FAM114A1: variants seen among roughly 807,000 people sequenced by gnomAD.
FAM114A1 encodes protein NOXP20.
In FAM114A1, 62 loss-of-function variants were observed where a neutral mutation model predicts 64.3. That is an observed-to-expected ratio of 0.96 (90% CI 0.79 to 1.19). The LOEUF (loss-of-function observed/expected upper bound fraction) is 1.19. Ranked by LOEUF, FAM114A1 falls within the 50% of genes most tolerant of loss-of-function variation. FAM114A1 has a pLI of 0.00. For missense variants in FAM114A1, 645 were observed against 676.3 expected, an observed-to-expected ratio of 0.95 and a Z score of 0.51; for synonymous variants, 254 against 251.1, an observed-to-expected ratio of 1.01 and a Z score of -0.11.
chr4:38,894,255 C>A (rs1252509955), intron 4 of FAM114A1, among the ~76,000 whole-genome samples: 1 of 151,362 alleles, frequency 6.6e-6, no homozygotes, highest in Non-Finnish European at 1.5e-5. Context: ...TAATCTGCGG[C>A]CTGTGCTTGT....
At chr4:38,912,662 G>A (rs557030732) in intron 7 of FAM114A1, among the ~76,000 whole-genome samples, 13 of 152,252 alleles carry the variant, frequency 8.5e-5, no homozygotes, top group African/African-American at 2.4e-4. Context: ...GATTACAGGC[G>A]TGAGCCACCG....
At chr4:38,932,133 G>A (rs913477921) in intron 11 of FAM114A1, 102 bp from the exon 12 acceptor site, 6 of 1,269,714 alleles carry the variant, frequency 4.7e-6, no homozygotes, top group Non-Finnish European at 5.4e-6. Context: ...GGTTATATTT[G>A]GGGTATTTTT....
At position 38,939,976 on chromosome 4, in the gene FAM114A1, C is replaced by T. The variant is rs1461660774; in HGVS notation, c.1537-992C>T. On this transcript the variant is annotated intron_variant, in intron 13 of 14. Coordinates refer to ENST00000358869, the MANE Select transcript of FAM114A1 (RefSeq NM_138389.4). ...CCATCTCGGCTCACTGCAACCACTG[C>T]CTCCTAGGTTTAAGCAATTCTCCTG... Among the ~76,000 whole-genome samples the T allele has an allele frequency of 2.6e-5, 4 of 151,064 alleles. No individual in the cohort carries two copies. In the South Asian group the frequency reaches 6.3e-4, roughly 24 times the overall value.
At chr4:38,935,861 C>T in intron 13 of FAM114A1, 71 bp downstream of exon 13, 1 of 1,107,028 alleles carries the variant, frequency 9.0e-7, no homozygotes, top group South Asian at 1.3e-5. Context: ...TGTGGAGATG[C>T]AGCGCCTTCT....
chr4:38,883,079 G>A (rs1715456361), intron 3 of FAM114A1, among the ~76,000 whole-genome samples: 1 of 152,198 alleles, frequency 6.6e-6, no homozygotes, highest in East Asian at 1.9e-4. Context: ...ACCTCCGTGA[G>A]AAATGGTCCT....
chr4:38,868,918 TA>T, intron 2 of FAM114A1, among the ~76,000 whole-genome samples: 1 of 152,304 alleles, frequency 6.6e-6, no homozygotes, highest in East Asian at 1.9e-4. Context: ...TTGTAACCTT[TA>T]AGTGAAGGAA....
chr4:38,905,500 AC>A, intron 4 of FAM114A1, 21 bp from the exon 5 acceptor site: 1 of 1,560,804 alleles, frequency 6.4e-7, no homozygotes, highest in Non-Finnish European at 8.8e-7. Flanking sequence ...GTATCCATGA[AC>A]CATATTTTTA....
rs2306923 is a variant in FAM114A1 at position 38,929,272 on chromosome 4, G to A, written c.1100G>A (p.Arg367His). ...GAAGAAAAGGGAGAAGAATTTGCTC[G>A]CATGCTTACAGAGCTTCTCTTTGAA... ...GLEEKGEEFARMLTELLFELH... is the reference protein window; with the variant it reads ...GLEEKGEEFAHMLTELLFELH... The change falls in exon 10 of 15, where the codon CGC becomes CAC. Residue 367 changes from arginine (R) to histidine (H), a missense_variant. Physicochemically the swap from Arg to His is conservative, Grantham distance 29. Coordinates refer to ENST00000358869, the MANE Select transcript of FAM114A1 (RefSeq NM_138389.4). 6.7e-3 allele frequency: 10,749 copies of A among 1,613,828 alleles called. 1,033 individuals carry two copies. The Admixed American group carries it at 0.17, about 25-fold the overall frequency.
intron 3 of FAM114A1, among the ~76,000 whole-genome samples, chr4:38,878,799 T>C (rs1167025121): frequency 6.6e-6 from 1 of 152,180 alleles, no homozygotes. Context: ...CTGGGCTACT[T>C]GGTTGTAAAT....
chr4:38,904,383 A>G (rs1223779527), intron 4 of FAM114A1, among the ~76,000 whole-genome samples: 4 of 152,222 alleles, frequency 2.6e-5, no homozygotes. Flanking sequence ...AGACAAGACT[A>G]TGTCCGTATC....
At chr4:38,928,997 C>G (rs1720392598) in intron 9 of FAM114A1, 1 of 481,546 alleles carries the variant, frequency 2.1e-6, no homozygotes, top group Non-Finnish European at 3.8e-6. Context: ...TTTGGGTTGT[C>G]CTGGGGGTGT....
chr4:38,905,471 C>T (rs1466057697), intron 4 of FAM114A1, 51 bp from the exon 5 acceptor site: 4 of 1,299,416 alleles, frequency 3.1e-6, no homozygotes. Context: ...GGAGGATTTG[C>T]AGACCGTGGA....
intron 4 of FAM114A1, among the ~76,000 whole-genome samples, chr4:38,901,546 C>T (rs1459821682): frequency 6.6e-6 from 1 of 152,214 alleles, no homozygotes; most frequent in Non-Finnish European, 1.5e-5. Flanking sequence ...CCTACCTCGG[C>T]CTCCCAAAGT....
chr4:38,908,027 A>G (rs1267675575), intron 6 of FAM114A1, among the ~76,000 whole-genome samples: 1 of 152,184 alleles, frequency 6.6e-6, no homozygotes, highest in African/African-American at 2.4e-5. Flanking sequence ...CATTTCATGG[A>G]TATACTAATT....
rs536712720 is a variant in FAM114A1 at position 38,919,816 on chromosome 4, C to T, written c.946-2954C>T. Among the ~76,000 whole-genome samples the T allele has an allele frequency of 3.3e-5, 5 of 152,290 alleles. No individual in the cohort carries two copies. The South Asian group carries it at 8.3e-4, about 25-fold the overall frequency. ...CCATTGGCTGAAACTCAGACCCCAT[C>T]ATGGAAATATAAGGAATTACTATCG... is the stretch of plus-strand genomic sequence containing the variant. On this transcript the variant is annotated intron_variant, in intron 8 of 14. Transcript: ENST00000358869.
At chr4:38,874,162 T>C (rs1714377492) in intron 2 of FAM114A1, among the ~76,000 whole-genome samples, 1 of 152,224 alleles carries the variant, frequency 6.6e-6, no homozygotes, top group Admixed American at 6.5e-5. Flanking sequence ...AAATTTCAAA[T>C]GTAGAATTTA....
intron 3 of FAM114A1, among the ~76,000 whole-genome samples, chr4:38,887,115 A>G (rs889074291): frequency 2.0e-5 from 3 of 152,138 alleles, no homozygotes; most frequent in African/African-American, 7.2e-5. Context: ...TGTGAATCGC[A>G]GGGTAGTGTA....
At chr4:38,870,734 G>A (rs1713967719) in intron 2 of FAM114A1, among the ~76,000 whole-genome samples, 5 of 152,162 alleles carry the variant, frequency 3.3e-5, no homozygotes, top group Admixed American at 3.3e-4. Context: ...CTGGCTTATG[G>A]AACACCCAGA....
At chr4:38,884,614 A>T (rs1167202161) in intron 3 of FAM114A1, among the ~76,000 whole-genome samples, 1 of 152,262 alleles carries the variant, frequency 6.6e-6, no homozygotes. Flanking sequence ...AGCGAAATCA[A>T]GTTTCAGATC....
Sources: gnomAD v4.1 joint callset for allele counts (sites outside exome capture counted in the v4.1 genomes callset) on GRCh38, gnomAD v4.1.1 for gene constraint, MANE v1.5 for transcripts, NCBI Gene and HGNC (gene_info 2026-07-23, HGNC 2026-07-21) for gene names.